Variants in LOC128462377 observed in about 807,000 individuals in gnomAD.
the LOC128462377 span, among the ~76,000 whole-genome samples, chr16:89,355,150 C>T: frequency 1.3e-5 from 2 of 152,182 alleles, no homozygotes; most frequent in African/African-American, 2.4e-5. Context: ...GAGCCTCAAC[C>T]CAGTTGCTCC....
the LOC128462377 span, among the ~76,000 whole-genome samples, chr16:89,341,987 A>T: frequency 3.9e-4 from 57 of 146,622 alleles, no homozygotes; most frequent in African/African-American, 1.4e-3. Flanking sequence ...CTGCACCTCC[A>T]CCCACAGCGG....
At chr16:89,369,043 T>A in the LOC128462377 span, among the ~76,000 whole-genome samples, 1 of 152,096 alleles carries the variant, frequency 6.6e-6, no homozygotes, top group African/African-American at 2.4e-5. Flanking sequence ...GACCCCCCAC[T>A]GGCACCCATT....
chr16:89,396,117 T>C, the LOC128462377 span: 1 of 152,168 alleles, frequency 6.6e-6, no homozygotes, highest in African/African-American at 2.4e-5. Context: ...CAACAACTTG[T>C]TGTCAATGTG....
chr16:89,340,349 C>G, the LOC128462377 span, among the ~76,000 whole-genome samples: 3 of 152,242 alleles, frequency 2.0e-5, no homozygotes, highest in Admixed American at 2.0e-4. Context: ...ACCATCTCGG[C>G]TCACTGCAAC....
the LOC128462377 span, among the ~76,000 whole-genome samples, chr16:89,377,255 G>C: frequency 1.3e-5 from 2 of 152,120 alleles, no homozygotes; most frequent in African/African-American, 4.8e-5. Flanking sequence ...CTATGGAAAG[G>C]ACTGTCAACA....
the LOC128462377 span, among the ~76,000 whole-genome samples, chr16:89,387,921 A>C: frequency 5.4e-5 from 8 of 148,180 alleles, no homozygotes; most frequent in Non-Finnish European, 8.9e-5. Context: ...GAGGCAGGAG[A>C]ATCGCTTCTT....
At chr16:89,363,948 C>G in the LOC128462377 span, among the ~76,000 whole-genome samples, 2 of 152,256 alleles carry the variant, frequency 1.3e-5, no homozygotes, top group Admixed American at 6.5e-5. Context: ...GCAGTCCCAG[C>G]AACTCAGGAG....
chr16:89,322,279 C>T, the LOC128462377 span, among the ~76,000 whole-genome samples: 1 of 152,170 alleles, frequency 6.6e-6, no homozygotes, highest in Admixed American at 6.5e-5. Flanking sequence ...CCGAAGACTC[C>T]CAGAGAGAAA....
the LOC128462377 span, among the ~76,000 whole-genome samples, chr16:89,409,455 G>A: frequency 2.0e-5 from 3 of 152,170 alleles, no homozygotes; most frequent in Non-Finnish European, 2.9e-5. Context: ...TGCACGTCAC[G>A]GCCCTGCCCA....
At chr16:89,355,565 G>A in the LOC128462377 span, among the ~76,000 whole-genome samples, 2 of 152,088 alleles carry the variant, frequency 1.3e-5, no homozygotes, top group South Asian at 4.1e-4. Flanking sequence ...AGCAGGGACG[G>A]CCCCAGACAT....
At chr16:89,340,507 T>A in the LOC128462377 span, among the ~76,000 whole-genome samples, 1 of 152,330 alleles carries the variant, frequency 6.6e-6, no homozygotes, top group South Asian at 2.1e-4. Context: ...ACTCCTGACT[T>A]CAGGCGATCC....
At chr16:89,392,925 T>A in the LOC128462377 span, among the ~76,000 whole-genome samples, 1 of 151,964 alleles carries the variant, frequency 6.6e-6, no homozygotes, top group African/African-American at 2.4e-5. Flanking sequence ...CCTGCCTGCA[T>A]CTGAAATGAG....
chr16:89,373,593 G>A, the LOC128462377 span: 1 of 152,254 alleles, frequency 6.6e-6, no homozygotes, highest in Non-Finnish European at 1.5e-5. Context: ...AGAAAACATC[G>A]GCATGTGACT....
the LOC128462377 span, among the ~76,000 whole-genome samples, chr16:89,367,635 G>A: frequency 1.3e-5 from 2 of 152,090 alleles, no homozygotes; most frequent in Non-Finnish European, 2.9e-5. Context: ...AATCCTCCAT[G>A]GCACAAAACC....
chr16:89,415,307 C>T, the LOC128462377 span, among the ~76,000 whole-genome samples: 4 of 139,182 alleles, frequency 2.9e-5, no homozygotes, highest in Non-Finnish European at 4.6e-5. Context: ...CTCTGTCGCC[C>T]AGGCTGGAGC....
At chr16:89,371,402 T>C in the LOC128462377 span, among the ~76,000 whole-genome samples, 2 of 152,138 alleles carry the variant, frequency 1.3e-5, no homozygotes, top group Admixed American at 1.3e-4. Flanking sequence ...AGTCATTCCC[T>C]GCACAGACAG....
At chr16:89,396,408 TG>T in the LOC128462377 span, among the ~76,000 whole-genome samples, 98 of 152,292 alleles carry the variant, frequency 6.4e-4, no homozygotes, top group African/African-American at 2.3e-3. Context: ...AGGGAAGCCC[TG>T]AGACTCCCCT....
At chr16:89,410,086 G>A in the LOC128462377 span, among the ~76,000 whole-genome samples, 6,003 of 152,168 alleles carry the variant, frequency 0.039, 198 homozygotes, top group East Asian at 0.17. Flanking sequence ...TGATCCGCCC[G>A]CCTCGGCCTC....
At chr16:89,317,318 G>A in the LOC128462377 span, among the ~76,000 whole-genome samples, 1 of 152,224 alleles carries the variant, frequency 6.6e-6, no homozygotes, top group Non-Finnish European at 1.5e-5. Context: ...CAAGCACTTT[G>A]TAGTGGCAGA....
Sources: gnomAD v4.1 joint callset for allele counts (sites outside exome capture counted in the v4.1 genomes callset) on GRCh38, gnomAD v4.1.1 for gene constraint, MANE v1.5 for transcripts.